Variants in GDAP1 observed in about 807,000 individuals in gnomAD.
GDAP1 encodes ganglioside-induced differentiation-associated protein 1.
GDAP1 carries 34 observed loss-of-function variants against 40.1 expected under a neutral mutation model. The observed-to-expected ratio is 0.85, with a 90% CI of 0.64 to 1.13. GDAP1 has a LOEUF of 1.13. Ranked by LOEUF, GDAP1 falls within the 50% of genes most tolerant of loss-of-function variation. GDAP1 has a pLI of 0.00. For synonymous variants in GDAP1, 170 were observed against 157.4 expected (o/e 1.08, Z -0.60); for missense variants, 374 against 433.7 (o/e 0.86, Z 1.22).
At chr8:74,477,612 C>A (rs540718791) in intron 2 of GDAP1, among the ~76,000 whole-genome samples, 2 of 152,188 alleles carry the variant, frequency 1.3e-5, no homozygotes, top group African/African-American at 4.8e-5. Context: ...GTACTGATAT[C>A]AAGACTGGCT....
chr8:74,422,493 C>CTCCTTGCTTCCTTCCTTCCT (rs1805889713), intron 2 of GDAP1, among the ~76,000 whole-genome samples: 2 of 104,744 alleles, frequency 1.9e-5, no homozygotes, highest in Non-Finnish European at 3.5e-5. Flanking sequence ...TCCCTCCTTT[C>CTCCTTGCTTCCTTCCTTCCT]TCCTTCCTTC....
At chr8:74,381,772 A>T (rs1292509674) in intron 2 of GDAP1, among the ~76,000 whole-genome samples, 1 of 151,934 alleles carries the variant, frequency 6.6e-6, no homozygotes, top group Non-Finnish European at 1.5e-5. Context: ...AAAAAAAAAA[A>T]AAAAAAGTAA....
intron 2 of GDAP1, among the ~76,000 whole-genome samples, chr8:74,468,600 T>G (rs1360504249): frequency 6.6e-6 from 1 of 152,072 alleles, no homozygotes; most frequent in African/African-American, 2.4e-5. Flanking sequence ...ATTATATCTT[T>G]TAATTTGTTG....
chr8:74,392,742 T>TTA (rs1308971343), intron 2 of GDAP1, among the ~76,000 whole-genome samples: 1 of 152,212 alleles, frequency 6.6e-6, no homozygotes, highest in Non-Finnish European at 1.5e-5. Context: ...ATTTATGCCA[T>TTA]AGAGAGGGCA....
rs1195348725 is a variant in GDAP1, at chr8:74,428,633, A to AT, written c.166-60017dup. ...GGGCGTATGCCACCACACCCGGCTAATTTTTTTTTTTTTTTTTTTTTTTTT... is the reference window on the plus strand; with the variant it reads ...GGGCGTATGCCACCACACCCGGCTAATTTTTTTTTTTTTTTTTTTTTTTTTT... On this transcript the variant is annotated intron_variant, in intron 2 of 2. Coordinates refer to the GDAP1 transcript ENST00000523640. 1.8e-3 allele frequency among the ~76,000 whole-genome samples: 77 copies of AT among 42,840 alleles called. 10 individuals carry two copies. Among genetic ancestry groups the AT allele is most frequent in the Middle Eastern group, 0.029 (1 of 34 alleles). The allele number at this position is 42,840 out of a possible 152,430, so 28.1% of individuals were successfully genotyped here.
At chr8:74,423,736 G>A (rs777027585) in intron 2 of GDAP1, among the ~76,000 whole-genome samples, 1 of 151,966 alleles carries the variant, frequency 6.6e-6, no homozygotes, top group South Asian at 2.1e-4. Context: ...GATGAGAGCC[G>A]GATGGACCAC....
At chr8:74,367,131 C>A (rs922005737), downstream of GDAP1, 10 of 184,904 alleles carry the variant, frequency 5.4e-5, no homozygotes, top group Admixed American at 5.7e-5. Context: ...ATTGATGCTG[C>A]TCATTAATAT....
chr8:74,470,297 C>T (rs541311804), intron 2 of GDAP1, among the ~76,000 whole-genome samples: 1 of 152,128 alleles, frequency 6.6e-6, no homozygotes. Context: ...TACATGTGCA[C>T]AACGTGCAGG....
intron 2 of GDAP1, among the ~76,000 whole-genome samples, chr8:74,482,547 CA>C (rs1230268195): frequency 6.6e-6 from 1 of 152,062 alleles, no homozygotes; most frequent in Non-Finnish European, 1.5e-5. Flanking sequence ...AAAAATGAAA[CA>C]AAAAATGTTT....
chr8:74,397,967 A>G (rs1287790929), intron 2 of GDAP1, among the ~76,000 whole-genome samples: 1 of 151,762 alleles, frequency 6.6e-6, no homozygotes, highest in Non-Finnish European at 1.5e-5. Flanking sequence ...TTTTCACGAT[A>G]TTGATTCTTC....
chr8:74,392,074 C>T (rs886932458), intron 2 of GDAP1, among the ~76,000 whole-genome samples: 1 of 152,178 alleles, frequency 6.6e-6, no homozygotes, highest in African/African-American at 2.4e-5. Context: ...CTTCCTCGGC[C>T]TCCCAAAGTG....
intron 2 of GDAP1, among the ~76,000 whole-genome samples, chr8:74,358,176 A>G (rs1043641815): frequency 2.0e-5 from 3 of 152,210 alleles, no homozygotes; most frequent in Non-Finnish European, 4.4e-5. Flanking sequence ...CATGGATTTA[A>G]ACATTTGTCC....
chr8:74,396,540 G>A (rs1194478008), intron 2 of GDAP1, among the ~76,000 whole-genome samples: 1 of 149,050 alleles, frequency 6.7e-6, no homozygotes, highest in Non-Finnish European at 1.5e-5. Flanking sequence ...AGAGTGTGAT[G>A]TTCCCCTTCC....
intron 2 of GDAP1, among the ~76,000 whole-genome samples, chr8:74,480,079 C>T (rs565927314): frequency 6.6e-6 from 1 of 151,354 alleles, no homozygotes; most frequent in East Asian, 2.0e-4. Flanking sequence ...ACCTCTGCCT[C>T]CCAGGTTCAA....
At chr8:74,446,675 G>A (rs549350287) in intron 2 of GDAP1, among the ~76,000 whole-genome samples, 38 of 152,066 alleles carry the variant, frequency 2.5e-4, no homozygotes, top group Non-Finnish European at 4.4e-4. Context: ...TAGGTGCCAC[G>A]TTTACATAAA....
At chr8:74,351,507 A>G in intron 2 of GDAP1, 41 bp downstream of exon 2, 1 of 1,332,788 alleles carries the variant, frequency 7.5e-7, no homozygotes, top group Non-Finnish European at 1.1e-6. Flanking sequence ...ATTTACTTTC[A>G]ACACAACTAT....
At chr8:74,408,477 T>A in intron 2 of GDAP1, among the ~76,000 whole-genome samples, 1 of 149,980 alleles carries the variant, frequency 6.7e-6, no homozygotes, top group East Asian at 1.9e-4. Context: ...AGCGTCCTTA[T>A]AAAAGAGGCT....
intron 2 of GDAP1, among the ~76,000 whole-genome samples, chr8:74,382,106 C>G (rs1175950963): frequency 1.3e-5 from 2 of 152,046 alleles, no homozygotes; most frequent in African/African-American, 4.8e-5. Context: ...ATGATTTACA[C>G]TTACTTCACA....
At chr8:74,449,669 A>G (rs1265320068) in intron 2 of GDAP1, among the ~76,000 whole-genome samples, 1 of 151,846 alleles carries the variant, frequency 6.6e-6, no homozygotes, top group Non-Finnish European at 1.5e-5. Flanking sequence ...CAACTTTACT[A>G]AGCTCATATA....
Sources: allele counts gnomAD v4.1 joint callset (sites outside exome capture counted in the v4.1 genomes callset), GRCh38; gene constraint gnomAD v4.1.1; transcripts MANE v1.5; gene names NCBI Gene and HGNC (gene_info 2026-07-23, HGNC 2026-07-21).